SLC25A26: variants seen among roughly 807,000 people sequenced by gnomAD.
The protein encoded by SLC25A26 is solute carrier family 25 member 26.
A neutral mutation model predicts 37.8 loss-of-function variants in SLC25A26; 36 were observed. The observed-to-expected ratio is 0.95, with a 90% CI of 0.73 to 1.26. The LOEUF (loss-of-function observed/expected upper bound fraction) is 1.26, where lower values mean the gene tolerates loss of function less well. Among genes scored for constraint, SLC25A26 ranks in the 50% most tolerant of loss-of-function variants. The pLI is 0.00. For missense variants in SLC25A26, 390 were observed against 331.1 expected (o/e 1.18, Z -1.38); for synonymous variants, 129 against 122.5 (o/e 1.05, Z -0.35).
At chr3:66,254,115 A>C (rs1576723122) in intron 3 of SLC25A26, among the ~76,000 whole-genome samples, 1 of 152,194 alleles carries the variant, frequency 6.6e-6, no homozygotes, top group Non-Finnish European at 1.5e-5. Flanking sequence ...AGGTTTGATG[A>C]ACATAGGTCC....
chr3:66,290,293 G>A (rs1422762768), intron 5 of SLC25A26, among the ~76,000 whole-genome samples: 2 of 151,258 alleles, frequency 1.3e-5, no homozygotes, highest in African/African-American at 4.9e-5. Flanking sequence ...CTTCCTATTT[G>A]AATACCGTTT....
intron 3 of SLC25A26, among the ~76,000 whole-genome samples, chr3:66,247,590 A>T (rs901933105): frequency 1.3e-5 from 2 of 152,210 alleles, no homozygotes; most frequent in African/African-American, 2.4e-5. Flanking sequence ...TAATCCAGAC[A>T]TGAGACACTG....
At chr3:66,245,272 A>C (rs2072779975) in intron 3 of SLC25A26, among the ~76,000 whole-genome samples, 1 of 150,864 alleles carries the variant, frequency 6.6e-6, no homozygotes, top group Non-Finnish European at 1.5e-5. Flanking sequence ...AAAAAACAAA[A>C]CCTCAAAACT....
At chr3:66,164,407 T>G (rs1247655373) in intron 1 of SLC25A26, among the ~76,000 whole-genome samples, 1 of 152,080 alleles carries the variant, frequency 6.6e-6, no homozygotes, top group South Asian at 2.1e-4. Context: ...CAAAGCAGGA[T>G]GGATGAAAGG....
chr3:66,245,712 C>A (rs782763888), intron 3 of SLC25A26, among the ~76,000 whole-genome samples: 9 of 152,016 alleles, frequency 5.9e-5, no homozygotes, highest in Non-Finnish European at 1.3e-4. Context: ...ACCTAATATT[C>A]CTTGTTTAAG....
chr3:66,166,348 C>T (rs1466638464), intron 1 of SLC25A26, among the ~76,000 whole-genome samples: 1 of 152,170 alleles, frequency 6.6e-6, no homozygotes, highest in Admixed American at 6.5e-5. Context: ...AAGTTTGCAG[C>T]CTAGAGAAAG....
chr3:66,303,114 G>T (rs2075121987), intron 5 of SLC25A26, among the ~76,000 whole-genome samples: 1 of 152,142 alleles, frequency 6.6e-6, no homozygotes, highest in South Asian at 2.1e-4. Flanking sequence ...TTATAATATA[G>T]TAGTTATCAT....
chr3:66,222,698 C>T (rs782400827), intron 1 of SLC25A26, among the ~76,000 whole-genome samples: 27 of 152,162 alleles, frequency 1.8e-4, no homozygotes, highest in Non-Finnish European at 3.5e-4. Context: ...AAGTGAGATC[C>T]ATTTCGTCTG....
At chr3:66,315,973 T>C (rs1013372779) in intron 5 of SLC25A26, among the ~76,000 whole-genome samples, 2 of 152,242 alleles carry the variant, frequency 1.3e-5, no homozygotes, top group Admixed American at 6.5e-5. Context: ...TGGTAAATTT[T>C]CCTCCATCCT....
At chr3:66,246,113 C>T (rs1465891519) in intron 3 of SLC25A26, among the ~76,000 whole-genome samples, 1 of 152,176 alleles carries the variant, frequency 6.6e-6, no homozygotes, top group Non-Finnish European at 1.5e-5. Context: ...GTAGTGTTTT[C>T]CAGGTTCATC....
At chr3:66,246,675 T>C (rs782746018) in intron 3 of SLC25A26, among the ~76,000 whole-genome samples, 2 of 152,110 alleles carry the variant, frequency 1.3e-5, no homozygotes, top group Non-Finnish European at 2.9e-5. Flanking sequence ...TTACCTACAT[T>C]GTGTCTTTTG....
chr3:66,229,549 G>T (rs1372305349), intron 1 of SLC25A26, among the ~76,000 whole-genome samples: 1 of 152,110 alleles, frequency 6.6e-6, no homozygotes. Context: ...GTGTCCTGCC[G>T]CCCTGTGAAG....
intron 5 of SLC25A26, among the ~76,000 whole-genome samples, chr3:66,284,816 G>T (rs533866398): frequency 6.6e-6 from 1 of 152,118 alleles, no homozygotes; most frequent in East Asian, 1.9e-4. Flanking sequence ...AGAAAACACG[G>T]CGAAAGGTTA....
intron 6 of SLC25A26, among the ~76,000 whole-genome samples, chr3:66,350,557 T>C (rs2076426835): frequency 6.6e-6 from 1 of 152,218 alleles, no homozygotes; most frequent in African/African-American, 2.4e-5. Flanking sequence ...CTGATCTTCC[T>C]TAAACTTTTC....
intron 1 of SLC25A26, among the ~76,000 whole-genome samples, chr3:66,141,742 G>A (rs941558971): frequency 2.0e-5 from 3 of 152,236 alleles, no homozygotes; most frequent in Non-Finnish European, 2.9e-5. Context: ...TCGAACTCCC[G>A]ACCTCAACTT....
intron 5 of SLC25A26, among the ~76,000 whole-genome samples, chr3:66,316,187 T>G (rs1447790721): frequency 1.3e-5 from 2 of 152,190 alleles, no homozygotes; most frequent in Non-Finnish European, 2.9e-5. Context: ...TGCAGACTTG[T>G]TTATGTAGTT....
Position 66,344,534 on chromosome 3 carries a change from G to A in SLC25A26, c.454-1830G>A, listed in dbSNP as rs150434834. ...ATACCCATTAATTCCTCTGAAACTG[G>A]GACATTTACACCCACCCACATGTAG... is the stretch of plus-strand genomic sequence containing the variant. On this transcript the variant is annotated intron_variant, in intron 5 of 9. Coordinates refer to ENST00000354883, the MANE Select transcript of SLC25A26 (RefSeq NM_001379210.1). 1.9e-3 allele frequency among the ~76,000 whole-genome samples: 284 copies of A among 152,008 alleles called. 2 individuals are homozygous for A. The highest frequency in any genetic ancestry group is 6.3e-3 in the African/African-American group (261 of 41,480).
intron 5 of SLC25A26, among the ~76,000 whole-genome samples, chr3:66,274,069 A>G: frequency 6.6e-6 from 1 of 152,164 alleles, no homozygotes; most frequent in Non-Finnish European, 1.5e-5. Flanking sequence ...TCAGTGGAAC[A>G]GAACAGAGCC....
At chr3:66,150,027 CA>C (rs2070176776) in intron 1 of SLC25A26, among the ~76,000 whole-genome samples, 1 of 152,082 alleles carries the variant, frequency 6.6e-6, no homozygotes, top group Admixed American at 6.6e-5. Context: ...TGGGGCTTTT[CA>C]AGGTTCATAG....
Sources: allele counts gnomAD v4.1 joint callset (sites outside exome capture counted in the v4.1 genomes callset), GRCh38; gene constraint gnomAD v4.1.1; transcripts MANE v1.5; gene names NCBI Gene and HGNC (gene_info 2026-07-23, HGNC 2026-07-21).